WNT3A: variants seen among roughly 807,000 people sequenced by gnomAD.
WNT3A encodes the protein protein Wnt-3a.
Under a neutral mutation model 37.0 loss-of-function variants are expected in WNT3A, and 17 were observed. The observed-to-expected ratio is 0.46, with a 90% CI of 0.31 to 0.69. The LOEUF is 0.69. Among genes scored for constraint, WNT3A ranks in the 30% least tolerant of loss-of-function variants. The pLI is 0.05. For synonymous variants in WNT3A, 187 were observed against 211.0 expected, an observed-to-expected ratio of 0.89 and a Z score of 0.99; for missense variants, 411 against 510.2, an observed-to-expected ratio of 0.81 and a Z score of 1.87.
At position 228,039,504 on chromosome 1, in the gene WNT3A, G is replaced by T. The variant is rs1161915647; in HGVS notation, c.314-11152G>T. On this transcript the variant is annotated intron_variant, in intron 2 of 3. Transcript: ENST00000284523. The surrounding 1 kb of genome is among the most constrained non-coding windows in gnomAD (Gnocchi z 4.1). ...TTCTCCTGGCAGGCTCCTGTTCAGG[G>T]TCTTGTCCAGGGTCCCATAGAGCCC... 6.6e-6 allele frequency among the ~76,000 whole-genome samples: 1 copy of T among 152,158 alleles called. No individual in the cohort carries two copies. Among genetic ancestry groups the T allele is most frequent in the Non-Finnish European group, 1.5e-5 (1 of 68,022 alleles).
In WNT3A at chr1:228,059,466, G is replaced by A; in HGVS notation, c.*1G>A. ...CTACGACGTGCACACCTGCAAGTAG[G>A]CACCGGCCGCGGCTCCCCCTGGACG... On this transcript the variant is annotated 3_prime_UTR_variant, in exon 4 of 4. Coordinates refer to ENST00000284523, the MANE Select transcript of WNT3A (RefSeq NM_033131.4). The A allele has an allele frequency of 6.7e-7, 1 of 1,499,446 alleles. No individual in the cohort carries two copies. The highest frequency in any genetic ancestry group is 2.2e-5 in the Admixed American group (1 of 45,950). 92.9% of individuals were successfully genotyped at this position (1,499,446 alleles called of 1,614,324 possible).
intron 2 of WNT3A, among the ~76,000 whole-genome samples, chr1:228,032,624 A>G (rs564768858): frequency 2.0e-5 from 3 of 152,198 alleles, no homozygotes; most frequent in Non-Finnish European, 4.4e-5. Flanking sequence ...GGTTTTTTCA[A>G]TTTCTTGACT....
At chr1:228,025,211 G>A (rs573065367) in intron 2 of WNT3A, among the ~76,000 whole-genome samples, 1 of 152,168 alleles carries the variant, frequency 6.6e-6, no homozygotes, top group Non-Finnish European at 1.5e-5. Context: ...AAAAAATGCT[G>A]CTGGGATTTT....
rs1434067571 is a variant in WNT3A, at chr1:228,007,294, G to A, written c.71+95G>A. The A allele has an allele frequency of 2.3e-6, 3 of 1,285,028 alleles. No homozygotes were observed. The highest frequency in any genetic ancestry group is 3.2e-6 in the Non-Finnish European group (3 of 937,382). The allele number at this position is 1,285,028 out of a possible 1,614,324, so 79.6% of individuals were successfully genotyped here. ...AGGGACCCCGCGGTGGCCCGAGCCC[G>A]CGCCCTTCTGCTCCAGCCCCGCGTG... On this transcript the variant is annotated intron_variant, in intron 1 of 3. Coordinates refer to ENST00000284523, the MANE Select transcript of WNT3A (RefSeq NM_033131.4). This position sits in a 1 kb window ranked among gnomAD's most constrained non-coding sequence, Gnocchi z 6.0.
At chr1:228,046,587 T>C (rs2031413033) in intron 2 of WNT3A, among the ~76,000 whole-genome samples, 2 of 148,052 alleles carry the variant, frequency 1.4e-5, no homozygotes, top group African/African-American at 5.0e-5. Context: ...GGGGTGTGTA[T>C]ATGTGGGGTA....
chr1:228,043,013 A>AGATGGATGGATG (rs537700236), intron 2 of WNT3A, among the ~76,000 whole-genome samples: 42 of 149,622 alleles, frequency 2.8e-4, no homozygotes, highest in African/African-American at 9.1e-4. Context: ...GGTAATGGAT[A>AGATGGATGGATG]GATGGATGGA....
In WNT3A at chr1:228,042,929, G is replaced by C. The variant is rs368108431; in HGVS notation, c.314-7727G>C. 3.3e-5 allele frequency among the ~76,000 whole-genome samples: 5 copies of C among 151,806 alleles called. No homozygotes were observed. The East Asian group carries it at 5.8e-4, about 18-fold the overall frequency. ...ATGGATAGTAGATATATGGATGATG[G>C]ATGGATGGATGGTGAATGGATAGAT... On this transcript the variant is annotated intron_variant, in intron 2 of 3. Transcript: ENST00000284523. The surrounding 1 kb of genome is among the most constrained non-coding windows in gnomAD (Gnocchi z 5.2).
At chr1:228,055,931 C>T (rs981829988) in intron 3 of WNT3A, among the ~76,000 whole-genome samples, 1 of 152,184 alleles carries the variant, frequency 6.6e-6, no homozygotes, top group Admixed American at 6.5e-5. Flanking sequence ...CAGAGTGAAC[C>T]TTCCAAAGTG....
At position 228,038,839 on chromosome 1, in the gene WNT3A, AGG is replaced by A; in HGVS notation, c.314-11816_314-11815del. Among the ~76,000 whole-genome samples the A allele has an allele frequency of 6.6e-6, 1 of 152,170 alleles. No individual in the cohort carries two copies. ...GGTGCATGGAAAGGGCTGGCAGATC[AGG>A]CAGGGGGAAGGCCTGTGGGGTGGGG... On this transcript the variant is annotated intron_variant, in intron 2 of 3. Transcript: ENST00000284523. The surrounding 1 kb of genome is among the most constrained non-coding windows in gnomAD (Gnocchi z 5.7).
Position 228,059,154 on chromosome 1 carries a change from C to G in WNT3A, c.748C>G (p.Arg250Gly). The G allele has an allele frequency of 6.2e-7, 1 of 1,613,538 alleles. No homozygotes were observed. Residue 250 changes from arginine (R) to glycine (G), a missense_variant, in exon 4 of 4, where the codon CGC (arginine) becomes GGC (glycine). Arg to Gly is a moderately radical substitution (Grantham distance 125). Coordinates refer to ENST00000284523, the MANE Select transcript of WNT3A (RefSeq NM_033131.4). ...EMVVEKHRES[R>G]GWVETLRPRY... Reference sequence around the variant, plus strand: ...GGTGGTGGAGAAGCACCGGGAGTCCCGCGGCTGGGTGGAGACCCTGCGGCC... The same window carrying G: ...GGTGGTGGAGAAGCACCGGGAGTCCGGCGGCTGGGTGGAGACCCTGCGGCC...
rs942674779 is a variant in WNT3A at position 228,037,755 on chromosome 1, G to C, written c.314-12901G>C. ...GGAGGGGAACCCCGGCCGACTCCCC[G>C]CCGCGTCCGGCTGGGAGCACAATAT... On this transcript the variant is annotated intron_variant, in intron 2 of 3. Transcript: ENST00000284523. The surrounding 1 kb of genome is among the most constrained non-coding windows in gnomAD (Gnocchi z 4.1). 6.6e-6 allele frequency among the ~76,000 whole-genome samples: 1 copy of C among 152,206 alleles called. No homozygotes were observed.
chr1:228,015,649 C>T (rs777382545), intron 1 of WNT3A, among the ~76,000 whole-genome samples: 1 of 152,126 alleles, frequency 6.6e-6, no homozygotes, highest in Non-Finnish European at 1.5e-5. Flanking sequence ...TGATCCAGAT[C>T]GTTGGCATCC....
Position 228,031,343 on chromosome 1 carries a change from A to G in WNT3A, c.313+8435A>G, listed in dbSNP as rs1045623451. ...CCTGGAGCATCAGCCTCCCATTTAT[A>G]AAGTGGAAGAATACTTACAGCTTGT... On this transcript the variant is annotated intron_variant, in intron 2 of 3. Transcript: ENST00000284523. This position sits in a 1 kb window ranked among gnomAD's most constrained non-coding sequence, Gnocchi z 4.8. Among the ~76,000 whole-genome samples the G allele has an allele frequency of 1.2e-4, 19 of 152,180 alleles. No homozygotes were observed. The highest frequency in any genetic ancestry group is 4.6e-4 in the African/African-American group (19 of 41,434).
chr1:228,030,239 C>CA (rs1222570227), intron 2 of WNT3A, among the ~76,000 whole-genome samples: 6 of 151,430 alleles, frequency 4.0e-5, no homozygotes, highest in South Asian at 4.2e-4. Flanking sequence ...TACTAAAATA[C>CA]AAAAAAATTA....
intron 2 of WNT3A, among the ~76,000 whole-genome samples, chr1:228,040,138 G>T (rs968531266): frequency 6.6e-6 from 1 of 152,214 alleles, no homozygotes; most frequent in Non-Finnish European, 1.5e-5. Flanking sequence ...GCCAGCCATG[G>T]GAACACCCAT....
intron 2 of WNT3A, among the ~76,000 whole-genome samples, chr1:228,029,974 C>T (rs1343621401): frequency 1.3e-5 from 2 of 152,106 alleles, no homozygotes; most frequent in African/African-American, 4.8e-5. Context: ...AGCACAGTGC[C>T]TTGTAGTCCT....
At chr1:228,048,111 GAGC>G (rs2031465254) in intron 2 of WNT3A, among the ~76,000 whole-genome samples, 1 of 152,290 alleles carries the variant, frequency 6.6e-6, no homozygotes, top group East Asian at 1.9e-4. Context: ...TGCCAAGGAG[GAGC>G]AGGGGACACT....
intron 2 of WNT3A, among the ~76,000 whole-genome samples, chr1:228,036,027 G>C (rs1328004067): frequency 6.6e-6 from 1 of 152,172 alleles, no homozygotes; most frequent in Non-Finnish European, 1.5e-5. Context: ...TGGGAGGAAG[G>C]AGCCCGCCGG....
chr1:228,030,859 G>A (rs866926119), intron 2 of WNT3A, among the ~76,000 whole-genome samples: 2 of 152,240 alleles, frequency 1.3e-5, no homozygotes, highest in Non-Finnish European at 2.9e-5. Flanking sequence ...AGCCCCATGA[G>A]CTGATGATTC....
Sources: allele counts gnomAD v4.1 joint callset (sites outside exome capture counted in the v4.1 genomes callset), GRCh38; gene constraint gnomAD v4.1.1; non-coding constraint Gnocchi (gnomAD v3.1); transcripts MANE v1.5; gene names NCBI Gene and HGNC (gene_info 2026-07-23, HGNC 2026-07-21).